Variants in LANCL1 observed in about 807,000 individuals in gnomAD.
LANCL1 encodes LanC like glutathione S-transferase 1, also known as glutathione S-transferase LANCL1.
In LANCL1, 50 loss-of-function variants were observed where a neutral mutation model predicts 50.6. The ratio of observed to expected loss-of-function variants is 0.99; its 90% CI spans 0.79 to 1.25. The LOEUF is 1.25. Ranked by LOEUF, LANCL1 falls within the 50% of genes most tolerant of loss-of-function variation. LANCL1 has a pLI of 0.00. For missense variants in LANCL1, 532 were observed against 480.7 expected (o/e 1.11, Z -1.00); for synonymous variants, 188 against 178.6 (o/e 1.05, Z -0.42).
chr2:210,442,402 A>G (rs3732059), intron 4 of LANCL1: 8 of 152,218 alleles, frequency 5.3e-5, no homozygotes, highest in Admixed American at 1.3e-4. Context: ...CATCTTGACA[A>G]TGGTTCCATA....
chr2:210,455,231 T>A lies in LANCL1; in HGVS notation c.283A>T (p.Ser95Cys). The change falls in exon 4 of 10, where the codon AGT becomes TGT. Residue 95 changes from serine (S) to cysteine (C), a missense_variant. Physicochemically the swap from Ser to Cys is moderately radical, Grantham distance 112 (BLOSUM62 -1). Transcript: ENST00000450366. ...GAGCGCTTGGTTAAGCAGTTCAGAC[T>A]TTGCTTTACATAGCCATGTGCTAAC... Reference protein sequence around the residue: ...LQLAHGYVKQSLNCLTKRSIT... With the variant: ...LQLAHGYVKQCLNCLTKRSIT... 6.2e-7 allele frequency: 1 copy of A among 1,613,608 alleles called. No homozygotes were observed. The highest frequency in any genetic ancestry group is 8.5e-7 in the Non-Finnish European group (1 of 1,179,768).
intron 3 of LANCL1, among the ~76,000 whole-genome samples, chr2:210,456,945 T>TG (rs1693690370): frequency 1.3e-5 from 2 of 152,214 alleles, no homozygotes; most frequent in African/African-American, 4.8e-5. Flanking sequence ...GTATTTCTCA[T>TG]GAAAAACAGG....
chr2:210,475,395 A>C (rs980400598), intron 2 of LANCL1, among the ~76,000 whole-genome samples: 1 of 152,084 alleles, frequency 6.6e-6, no homozygotes, highest in Non-Finnish European at 1.5e-5. Flanking sequence ...CAGTGGTGCA[A>C]TCATAGCTCA....
In LANCL1 at chr2:210,476,693, T is replaced by A; in HGVS notation, c.-90A>T. On this transcript the variant is annotated 5_prime_UTR_variant, in exon 1 of 10. Transcript: ENST00000450366. ...TGAAGCAAGTGCGCCTCCCGCGTCC[T>A]GAAGCCCTTCTCGGCCCTGGCCTCT... 8.4e-7 allele frequency: 1 copy of A among 1,195,108 alleles called. No individual in the cohort carries two copies. Among genetic ancestry groups the A allele is most frequent in the Non-Finnish European group, 1.0e-6 (1 of 959,354 alleles). The allele number at this position is 1,195,108 out of a possible 1,614,324, so 74.0% of individuals were successfully genotyped here. A position where few individuals can be genotyped will look rare whatever the true frequency, so the allele number is the denominator to read the frequency against.
intron 4 of LANCL1, among the ~76,000 whole-genome samples, chr2:210,446,692 G>A (rs187753380): frequency 9.3e-4 from 141 of 152,078 alleles, no homozygotes; most frequent in African/African-American, 3.4e-3. Context: ...AACACAGCAT[G>A]AGAGCTTTGT....
At chr2:210,460,796 G>A (rs1693830806) in intron 3 of LANCL1, 1 of 152,150 alleles carries the variant, frequency 6.6e-6, no homozygotes, top group South Asian at 2.1e-4. Flanking sequence ...ATGATCTGGG[G>A]AGGAAACTAG....
chr2:210,461,192 G>A (rs530392707), intron 3 of LANCL1, among the ~76,000 whole-genome samples: 28 of 151,782 alleles, frequency 1.8e-4, no homozygotes, highest in Middle Eastern at 3.4e-3. Flanking sequence ...GCCCAATGGT[G>A]GTGTCTAAAC....
At chr2:210,441,645 T>C (rs572889522) in intron 4 of LANCL1, among the ~76,000 whole-genome samples, 2 of 152,296 alleles carry the variant, frequency 1.3e-5, no homozygotes, top group South Asian at 2.1e-4. Context: ...GACAAATACA[T>C]TCATAAAATG....
rs1346415230 is a variant in LANCL1 at position 210,431,949 on chromosome 2, GACCTTTGACA to G, written c.*2528_*2537del. ...ACAGGATAAATGAACACTGCTTGATGACCTTTGACAACCTTTGAAGGTTTTATTACCTAGT... is the reference window on the plus strand; with the variant it reads ...ACAGGATAAATGAACACTGCTTGATGACCTTTGAAGGTTTTATTACCTAGT... On this transcript the variant is annotated 3_prime_UTR_variant, in exon 10 of 10. Transcript: ENST00000450366. The G allele has an allele frequency of 6.6e-6, 1 of 152,202 alleles. No homozygotes were observed. Among genetic ancestry groups the G allele is most frequent in the Non-Finnish European group, 1.5e-5 (1 of 68,032 alleles). The allele number at this position is 152,202 out of a possible 1,614,324, so 9.4% of individuals were successfully genotyped here.
intron 4 of LANCL1, among the ~76,000 whole-genome samples, chr2:210,450,779 G>A (rs1264935390): frequency 2.0e-5 from 3 of 152,172 alleles, no homozygotes; most frequent in Admixed American, 6.5e-5. Flanking sequence ...ACCACAATGC[G>A]ATACCATCTC....
chr2:210,443,643 C>A (rs911954164), intron 4 of LANCL1, among the ~76,000 whole-genome samples: 1 of 152,126 alleles, frequency 6.6e-6, no homozygotes, highest in Non-Finnish European at 1.5e-5. Context: ...TGTGCCGTGC[C>A]TGTGCATGTC....
At chr2:210,440,563 G>T in intron 6 of LANCL1, 35 bp downstream of exon 6, 1 of 1,589,524 alleles carries the variant, frequency 6.3e-7, no homozygotes, top group Non-Finnish European at 8.6e-7. Flanking sequence ...GGGTCAGGAA[G>T]GACATTTTAA....
chr2:210,435,450 A>G lies in LANCL1; in HGVS notation c.1060T>C (p.Trp354Arg). ...CCATGTTCTCCATACTCTAAGCACC[A>G]TTCAGCAAACTGAAAATGAGACCAA... ...YLYRACKFAEWCLEYGEHGCR... is the reference protein window; with the variant it reads ...YLYRACKFAERCLEYGEHGCR... Residue 354 changes from tryptophan (W) to arginine (R), a missense_variant, in exon 9 of 10, where the codon TGG (tryptophan) becomes CGG (arginine). By Grantham distance (101) the Trp-to-Arg change is moderately radical (BLOSUM62 -3). Coordinates refer to ENST00000450366, the MANE Select transcript of LANCL1 (RefSeq NM_006055.3). 6.2e-7 allele frequency: 1 copy of G among 1,613,422 alleles called. No homozygotes were observed. The highest frequency in any genetic ancestry group is 8.5e-7 in the Non-Finnish European group (1 of 1,179,422).
At chr2:210,460,173 C>T (rs1693807669) in intron 3 of LANCL1, among the ~76,000 whole-genome samples, 2 of 152,156 alleles carry the variant, frequency 1.3e-5, no homozygotes. Flanking sequence ...TGTTTTACGA[C>T]CAGCTTACAG....
Position 210,471,967 on chromosome 2 carries a change from C to T in LANCL1, c.191G>A (p.Gly64Asp). Residue 64 changes from glycine (G) to aspartate (D), a missense_variant, in exon 3 of 10, where the codon GGC (glycine) becomes GAC (aspartate). By Grantham distance (94) the Gly-to-Asp change is moderately conservative. Transcript: ENST00000450366. The part of the protein sequence containing the change: ...ADPRDGTGYT[G>D]WAGIAVLYLH... Reference sequence around the variant, plus strand: ...CAGTCAGCACTTCATACCTGCCCAGCCAGTGTAACCGGTGCCATCCCGAGG... The same window carrying T: ...CAGTCAGCACTTCATACCTGCCCAGTCAGTGTAACCGGTGCCATCCCGAGG... 2 of 1,610,910 alleles carry T rather than the reference C, an allele frequency of 1.2e-6. No individual in the cohort carries two copies. Among genetic ancestry groups the T allele is most frequent in the Non-Finnish European group, 1.7e-6 (2 of 1,177,060 alleles).
chr2:210,447,502 C>G (rs919471861), intron 4 of LANCL1, among the ~76,000 whole-genome samples: 1 of 152,120 alleles, frequency 6.6e-6, no homozygotes, highest in Non-Finnish European at 1.5e-5. Flanking sequence ...TCACACATAA[C>G]AATATTAACC....
At chr2:210,440,938 G>A (rs915299404) in intron 5 of LANCL1, among the ~76,000 whole-genome samples, 194 bp from the exon 6 acceptor site, 11 of 152,184 alleles carry the variant, frequency 7.2e-5, no homozygotes, top group East Asian at 3.9e-4. Context: ...GGGGGAGGGC[G>A]TAGAGGATCT....
intron 4 of LANCL1, among the ~76,000 whole-genome samples, chr2:210,446,262 G>A (rs563607166): frequency 6.6e-6 from 1 of 152,204 alleles, no homozygotes; most frequent in Admixed American, 6.5e-5. Context: ...TCCAAAGGAA[G>A]AAACAGGCAG....
intron 4 of LANCL1, among the ~76,000 whole-genome samples, chr2:210,454,119 C>A (rs1481352209): frequency 1.3e-5 from 2 of 152,052 alleles, no homozygotes; most frequent in African/African-American, 4.8e-5. Context: ...AAGACTCCCA[C>A]CCCTTCTTTT....
Sources: gnomAD v4.1 joint callset for allele counts (sites outside exome capture counted in the v4.1 genomes callset) on GRCh38, gnomAD v4.1.1 for gene constraint, MANE v1.5 for transcripts, NCBI Gene and HGNC (gene_info 2026-07-23, HGNC 2026-07-21) for gene names.